Variants in LIG1 observed in about 807,000 individuals in gnomAD.
LIG1 encodes DNA ligase 1.
In LIG1, 70 loss-of-function variants were observed where a neutral mutation model predicts 115.7. The ratio of observed to expected loss-of-function variants is 0.60; its 90% confidence interval spans 0.50 to 0.74. The LOEUF is 0.74. LIG1 is among the 30% of genes least tolerant of loss of function. The probability of loss-of-function intolerance (pLI) is 0.00; values close to 1 mark genes in which losing one functional copy is unlikely to be tolerated. For synonymous variants in LIG1, 487 were observed against 495.3 expected, an observed-to-expected ratio of 0.98 and a Z score of 0.22; for missense variants, 1,115 against 1,225.6, an observed-to-expected ratio of 0.91 and a Z score of 1.35.
chr19:48,130,515 C>G (rs2033947304), intron 19 of LIG1, among the ~76,000 whole-genome samples: 3 of 152,188 alleles, frequency 2.0e-5, no homozygotes, highest in African/African-American at 7.2e-5. Flanking sequence ...ACAGGCTGGC[C>G]CCCTCCAAAC....
rs2122856653 is a variant in LIG1, at chr19:48,151,323, T to C, written c.483A>G (p.Lys161=). The change falls in exon 7 of 28, where the codon AAA becomes AAG. Residue 161 remains lysine (K), a synonymous_variant. Coordinates refer to ENST00000263274, the MANE Select transcript of LIG1 (RefSeq NM_000234.3). Reference sequence around the variant, plus strand: ...CCACTTCAGCCTCTGTGAGGCTTTCTTTCGGGGTCTCCTCTTCTGACGATA... The same window carrying C: ...CCACTTCAGCCTCTGTGAGGCTTTCCTTCGGGGTCTCCTCTTCTGACGATA... ...KKEEEEEETP[K]ESLTEAEVAT... The C allele has an allele frequency of 6.2e-7, 1 of 1,611,282 alleles. No homozygotes were observed. The highest frequency in any genetic ancestry group is 1.1e-5 in the South Asian group (1 of 91,032).
intron 19 of LIG1, among the ~76,000 whole-genome samples, chr19:48,129,944 T>C (rs156637): frequency 0.64 from 97,784 of 151,834 alleles, 33,157 homozygotes; most frequent in East Asian, 0.87. Context: ...TTAGTAGAGA[T>C]GGGATTTCAC....
chr19:48,133,952 A>C (rs777699125), intron 17 of LIG1, 29 bp downstream of exon 17: 2 of 1,539,620 alleles, frequency 1.3e-6, no homozygotes, highest in South Asian at 2.4e-5. Context: ...GGCTGCTGCC[A>C]GGCTGGTGAG....
Position 48,157,075 on chromosome 19 carries a change from A to G in LIG1, c.309T>C (p.Ala103=), listed in dbSNP as rs1277115451. The G allele has an allele frequency of 3.7e-6, 6 of 1,610,996 alleles. No individual in the cohort carries two copies. Among genetic ancestry groups the G allele is most frequent in the Non-Finnish European group, 5.1e-6 (6 of 1,178,244 alleles). The change falls in exon 5 of 28, where the codon GCT becomes GCC. Residue 103 remains alanine (A), a synonymous_variant. Coordinates refer to ENST00000263274, the MANE Select transcript of LIG1 (RefSeq NM_000234.3). ...PRPATSPENN[A]SLSDTSPMDS... The stretch of plus-strand genomic sequence containing the variant: ...CCATGGGAGAGGTGTCAGAGAGGGA[A>G]GCATTGTTCTCAGGAGATGTGGCAG...
At chr19:48,120,361 T>C (rs920476345) in intron 24 of LIG1, 6 of 985,166 alleles carry the variant, frequency 6.1e-6, no homozygotes, top group African/African-American at 1.7e-5. Context: ...AAAAGAAAAT[T>C]ACTCATAGAG....
intron 24 of LIG1, 175 bp downstream of exon 24, chr19:48,120,995 T>C: frequency 6.7e-7 from 1 of 1,488,316 alleles, no homozygotes; most frequent in Non-Finnish European, 8.9e-7. Context: ...CCTGTTTTTC[T>C]ATATGAAGCA....
chr19:48,125,342 G>A (rs368613318), intron 21 of LIG1, among the ~76,000 whole-genome samples: 4 of 152,088 alleles, frequency 2.6e-5, no homozygotes, highest in Non-Finnish European at 5.9e-5. Context: ...CAGACATCAC[G>A]GGAAACAAAA....
intron 10 of LIG1, 55 bp from the exon 11 acceptor site, chr19:48,143,654 C>T: frequency 6.8e-7 from 1 of 1,466,252 alleles, no homozygotes; most frequent in Non-Finnish European, 9.6e-7. Context: ...TACCATGCTG[C>T]CCGTCTGCAC....
Position 48,150,093 on chromosome 19 carries a change from A to C in LIG1, c.692T>G (p.Phe231Cys), listed in dbSNP as rs767343361. ...GGTGAGCAAGGGAAACTCACTGAAG[A>C]AGCTGCTGAGCGTCTTGGGAGCTCT... ...PRRAPKTLSS[F>C]FTPRKPAVKK... The change falls in exon 8 of 28, where the codon TTC becomes TGC. Residue 231 changes from phenylalanine to cysteine, a missense_variant. Coordinates refer to ENST00000263274, the MANE Select transcript of LIG1 (RefSeq NM_000234.3). 94 of 1,614,016 alleles carry C rather than the reference A, an allele frequency of 5.8e-5. No individual in the cohort carries two copies. Among genetic ancestry groups the C allele is most frequent in the Non-Finnish European group, 6.9e-5 (81 of 1,180,024 alleles).
intron 3 of LIG1, 152 bp downstream of exon 3, chr19:48,162,110 C>G: frequency 1.4e-6 from 1 of 724,306 alleles, no homozygotes; most frequent in Non-Finnish European, 2.5e-6. Flanking sequence ...CCAGCTGTGC[C>G]TGCAGCTGCT....
chr19:48,137,437 T>G lies in LIG1; in HGVS notation c.1254+85A>C, dbSNP rs1374017286. 1 of 1,540,096 alleles carries G rather than the reference T, an allele frequency of 6.5e-7. No homozygotes were observed. Among genetic ancestry groups the G allele is most frequent in the Non-Finnish European group, 8.8e-7 (1 of 1,135,816 alleles). Reference sequence around the variant, plus strand: ...AGGACTGATGCGACCCAGCTGATGGTCTACCCAGAAGCCTTCCTGACACAC... The same window carrying G: ...AGGACTGATGCGACCCAGCTGATGGGCTACCCAGAAGCCTTCCTGACACAC... On this transcript the variant is annotated intron_variant, in intron 13 of 27. Coordinates refer to ENST00000263274, the MANE Select transcript of LIG1 (RefSeq NM_000234.3). The surrounding 1 kb of genome is among the most constrained non-coding windows in gnomAD (Gnocchi z 4.3).
Position 48,140,097 on chromosome 19 carries a change from C to T in LIG1, c.961G>A (p.Ala321Thr). The T allele has an allele frequency of 1.2e-6, 2 of 1,613,806 alleles. No individual in the cohort carries two copies. The highest frequency in any genetic ancestry group is 1.7e-6 in the Non-Finnish European group (2 of 1,180,018). ...GGGAGGAGGTCTGGAGGCGACAGGG[C>T]CACCACGGAGCGCAGCAAGTTGCTC... Reference protein sequence around the residue: ...TLSNLLRSVVALSPPDLLPVL... With the variant: ...TLSNLLRSVVTLSPPDLLPVL... The change falls in exon 12 of 28, where the codon GCC becomes ACC. Residue 321 changes from alanine to threonine, a missense_variant. Coordinates refer to ENST00000263274, the MANE Select transcript of LIG1 (RefSeq NM_000234.3).
Position 48,117,704 on chromosome 19 carries a change from G to C in LIG1, c.2517C>G (p.Ser839Arg), listed in dbSNP as rs761804615. The change falls in exon 26 of 28, where the codon AGC becomes AGG. Residue 839 changes from serine (S) to arginine (R), a missense_variant. Physicochemically the swap from Ser to Arg is moderately radical, Grantham distance 110. Transcript: ENST00000263274. Reference sequence around the variant, plus strand: ...CAGCGCACTTCACCTCCCACACAGCGCTGGGGTCCAGCCAGTGGTCGGGAA... The same window carrying C: ...CAGCGCACTTCACCTCCCACACAGCCCTGGGGTCCAGCCAGTGGTCGGGAA... ...AVIPDHWLDP[S>R]AVWEVKCADL... The C allele has an allele frequency of 1.2e-6, 2 of 1,612,654 alleles. No individual in the cohort carries two copies. Among genetic ancestry groups the C allele is most frequent in the Non-Finnish European group, 1.7e-6 (2 of 1,179,702 alleles).
In LIG1 at chr19:48,117,641, G is replaced by A; in HGVS notation, c.2580C>T (p.Gly860=). Residue 860 remains glycine, a synonymous_variant, in exon 26 of 28, where the codon GGC becomes GGT. Transcript: ENST00000263274. ...GGCCAGGTCCTCTGCCACTCACCAGGCCCCGCGCAGCAGGGTAGATGGGAG... is the reference window on the plus strand; with the variant it reads ...GGCCAGGTCCTCTGCCACTCACCAGACCCCGCGCAGCAGGGTAGATGGGAG... The part of the protein sequence containing the change: ...SLSPIYPAAR[G]LVDSDKGISL... The A allele has an allele frequency of 2.5e-6, 4 of 1,612,388 alleles. No individual in the cohort carries two copies. The highest frequency in any genetic ancestry group is 2.5e-6 in the Non-Finnish European group (3 of 1,179,630).
chr19:48,165,722 A>G (rs2036446789), intron 1 of LIG1, 99 bp from the exon 2 acceptor site: 3 of 882,708 alleles, frequency 3.4e-6, no homozygotes, highest in South Asian at 2.9e-5. Context: ...AAAAAAAAAC[A>G]GAAACATGAA....
In LIG1 at chr19:48,137,939, A is replaced by C; in HGVS notation, c.1088-251T>G. 1 of 583,748 alleles carries C rather than the reference A, an allele frequency of 1.7e-6. No homozygotes were observed. The highest frequency in any genetic ancestry group is 3.1e-6 in the Non-Finnish European group (1 of 322,186). 36.2% of individuals were successfully genotyped at this position (583,748 alleles called of 1,614,324 possible). A position where few individuals can be genotyped will look rare whatever the true frequency, so the allele number is the denominator to read the frequency against. ...GCGGTGGATGAACGAGCATGACCAC[A>C]CTCAGGGGAGACATCTGGGCCGGTG... On this transcript the variant is annotated intron_variant, in intron 12 of 27. Coordinates refer to ENST00000263274, the MANE Select transcript of LIG1 (RefSeq NM_000234.3). This position sits in a 1 kb window ranked among gnomAD's most constrained non-coding sequence, Gnocchi z 4.3.
chr19:48,132,552 G>A (rs2034094919), intron 18 of LIG1, among the ~76,000 whole-genome samples: 1 of 152,010 alleles, frequency 6.6e-6, no homozygotes, highest in Non-Finnish European at 1.5e-5. Context: ...AGCACTTTGG[G>A]AGGCTGAGGT....
intron 20 of LIG1, chr19:48,127,582 T>G (rs1010185970): frequency 1.6e-6 from 1 of 610,924 alleles, no homozygotes; most frequent in African/African-American, 1.8e-5. Flanking sequence ...TTTCTGCAGC[T>G]AATGGCAGTG....
chr19:48,127,412 C>T (rs2033741615), intron 20 of LIG1, 64 bp from the exon 21 acceptor site: 1 of 1,422,432 alleles, frequency 7.0e-7, no homozygotes, highest in Non-Finnish European at 9.8e-7. Context: ...GTGCCTGAGG[C>T]CGACAGCATT....
Sources: allele counts gnomAD v4.1 joint callset (sites outside exome capture counted in the v4.1 genomes callset), GRCh38; gene constraint gnomAD v4.1.1; non-coding constraint Gnocchi (gnomAD v3.1); transcripts MANE v1.5; gene names NCBI Gene and HGNC (gene_info 2026-07-23, HGNC 2026-07-21).